The following HACE1 variants were observed in gnomAD, a reference collection of about 807,000 sequenced individuals.
The protein encoded by HACE1 is E3 ubiquitin-protein ligase HACE1.
In HACE1, 73 loss-of-function variants were observed where a neutral mutation model predicts 118.4. The observed-to-expected ratio is 0.62, with a 90% CI of 0.51 to 0.75. HACE1 has a LOEUF of 0.75. HACE1 is among the 30% of genes least tolerant of loss of function. The probability of loss-of-function intolerance (pLI) is 0.00; values close to 1 mark genes in which losing one functional copy is unlikely to be tolerated. For missense variants in HACE1, 749 were observed against 1,102.2 expected (o/e 0.68, Z 4.54); for synonymous variants, 368 against 374.8 (o/e 0.98, Z 0.21).
rs756441971 is a variant in HACE1 at position 104,771,987 on chromosome 6, G to A, written c.1952C>T (p.Ala651Val). The A allele has an allele frequency of 5.0e-6, 8 of 1,608,116 alleles. No individual in the cohort carries two copies. The highest frequency in any genetic ancestry group is 6.0e-6 in the Non-Finnish European group (7 of 1,174,800). The part of the protein sequence containing the change: ...FRFAGQILGL[A>V]LNHRQLVNIY... ...ATTGACCAGCTGCCTGTGGTTCAAC[G>A]CTAATCCCAAGATCTGCCCAGCAAA... is the stretch of plus-strand genomic sequence containing the variant. The change falls in exon 18 of 24, where the codon GCG (alanine) becomes GTG (valine). Residue 651 changes from alanine to valine, a missense_variant. Coordinates refer to ENST00000262903, the MANE Select transcript of HACE1 (RefSeq NM_020771.4).
At position 104,814,797 on chromosome 6, in the gene HACE1, C is replaced by G. The variant is rs553358393; in HGVS notation, c.535-3404G>C. On this transcript the variant is annotated intron_variant, in intron 6 of 23. Coordinates refer to ENST00000262903, the MANE Select transcript of HACE1 (RefSeq NM_020771.4). ...AGTGTGTGGCACATCCCCCCTCACG[C>G]TCTTTCTCCCTCTCTCCTGCCACCA... Among the ~76,000 whole-genome samples, 12 of 137,556 alleles carry G rather than the reference C, an allele frequency of 8.7e-5. 3 individuals are homozygous for G. In the South Asian group the frequency reaches 1.1e-3, roughly 13 times the overall value. The allele number at this position is 137,556 out of a possible 152,430, so 90.2% of individuals were successfully genotyped here.
Position 104,843,712 on chromosome 6 carries a change from A to G in HACE1, c.327-414T>C, listed in dbSNP as rs146397688. Among the ~76,000 whole-genome samples, 591 of 152,356 alleles carry G rather than the reference A, an allele frequency of 3.9e-3. 3 individuals carry two copies. Among genetic ancestry groups the G allele is most frequent in the Non-Finnish European group, 6.7e-3 (453 of 68,038 alleles). ...TTCTTGACAGCAAAACATTTAAAAC[A>G]TAACACTAAGATGTTACAAAACCAT... is the stretch of plus-strand genomic sequence containing the variant. On this transcript the variant is annotated intron_variant, in intron 4 of 23. Transcript: ENST00000262903.
intron 10 of HACE1, among the ~76,000 whole-genome samples, chr6:104,795,164 G>A (rs902110935): frequency 6.6e-6 from 1 of 151,912 alleles, no homozygotes; most frequent in Non-Finnish European, 1.5e-5. Flanking sequence ...TAACTGAGGG[G>A]GACAGGTCAG....
rs192278548 is a variant in HACE1 at position 104,737,147 on chromosome 6, C to T, written c.2514-6731G>A. On this transcript the variant is annotated intron_variant, in intron 22 of 23. Transcript: ENST00000262903. ...AAAAAAAAAAAAATACAAAAATTAGCTGGACGTGGTGGCAGGCACCTGTAC... is the reference window on the plus strand; with the variant it reads ...AAAAAAAAAAAAATACAAAAATTAGTTGGACGTGGTGGCAGGCACCTGTAC... Among the ~76,000 whole-genome samples the T allele has an allele frequency of 1.4e-3, 213 of 150,934 alleles. 1 individual carries two copies. The highest frequency in any genetic ancestry group is 5.0e-3 in the African/African-American group (204 of 41,142).
intron 17 of HACE1, among the ~76,000 whole-genome samples, chr6:104,774,294 T>C (rs1258502040): frequency 7.7e-6 from 1 of 130,518 alleles, no homozygotes; most frequent in Non-Finnish European, 1.6e-5. Flanking sequence ...GTTTCACCGT[T>C]TTAGCCGGGA....
intron 14 of HACE1, among the ~76,000 whole-genome samples, chr6:104,780,772 T>C (rs1434009335): frequency 6.6e-6 from 1 of 152,224 alleles, no homozygotes; most frequent in African/African-American, 2.4e-5. Context: ...TTTCTAATAA[T>C]GTCCTCTTAT....
chr6:104,747,843 T>C (rs972672053), intron 20 of HACE1, among the ~76,000 whole-genome samples: 1 of 152,130 alleles, frequency 6.6e-6, no homozygotes, highest in Non-Finnish European at 1.5e-5. Flanking sequence ...ATCAAGACCA[T>C]GCCTACAATG....
At chr6:104,803,667 C>T (rs574895303) in intron 7 of HACE1, among the ~76,000 whole-genome samples, 2 of 152,120 alleles carry the variant, frequency 1.3e-5, no homozygotes, top group African/African-American at 4.8e-5. Flanking sequence ...TTCAACAGCC[C>T]TTCATGCTAG....
At chr6:104,769,668 T>G (rs543835370) in intron 19 of HACE1, among the ~76,000 whole-genome samples, 1 of 152,222 alleles carries the variant, frequency 6.6e-6, no homozygotes, top group Non-Finnish European at 1.5e-5. Context: ...TAATTTTGCA[T>G]ATAGTATGAA....
intron 22 of HACE1, among the ~76,000 whole-genome samples, chr6:104,741,323 G>C (rs1404674396): frequency 2.1e-5 from 3 of 144,786 alleles, no homozygotes; most frequent in Non-Finnish European, 4.5e-5. Context: ...AATTAGGCAG[G>C]AGAAGGATAT....
chr6:104,833,075 T>G lies in HACE1; in HGVS notation c.501A>C (p.Ala167=). Residue 167 remains alanine (A), a synonymous_variant, in exon 6 of 24, where the codon GCA becomes GCC. Coordinates refer to ENST00000262903, the MANE Select transcript of HACE1 (RefSeq NM_020771.4). ...GACCGTTCTGGCAGGCAACATGCAGTGCTGTCTGCCCCATGGCATCCTCAA... is the reference window on the plus strand; with the variant it reads ...GACCGTTCTGGCAGGCAACATGCAGGGCTGTCTGCCCCATGGCATCCTCAA... The part of the protein sequence containing the change: ...VDVEDAMGQT[A]LHVACQNGHK... 6.2e-7 allele frequency: 1 copy of G among 1,613,432 alleles called. No homozygotes were observed. Among genetic ancestry groups the G allele is most frequent in the Non-Finnish European group, 8.5e-7 (1 of 1,179,312 alleles).
chr6:104,756,780 C>T (rs918718360), intron 19 of HACE1, among the ~76,000 whole-genome samples: 1 of 152,190 alleles, frequency 6.6e-6, no homozygotes, highest in East Asian at 1.9e-4. Flanking sequence ...AGGGGTTTTC[C>T]CCTTCCTAGC....
intron 4 of HACE1, among the ~76,000 whole-genome samples, chr6:104,848,411 G>A (rs147907733): frequency 0.023 from 3,484 of 149,950 alleles, 157 homozygotes; most frequent in African/African-American, 0.082. Context: ...AGCCGAGACT[G>A]TGCCACTGCA....
At chr6:104,819,618 C>A (rs371208450) in intron 6 of HACE1, among the ~76,000 whole-genome samples, 1 of 152,136 alleles carries the variant, frequency 6.6e-6, no homozygotes, top group South Asian at 2.1e-4. Flanking sequence ...GGAGGCATCA[C>A]GCTACCCAAC....
At chr6:104,801,842 A>T (rs1172958695) in intron 7 of HACE1, among the ~76,000 whole-genome samples, 1 of 152,278 alleles carries the variant, frequency 6.6e-6, no homozygotes, top group Middle Eastern at 3.4e-3. Flanking sequence ...GACAGGATCA[A>T]ATTCACACAT....
At chr6:104,818,175 T>C (rs1050515242) in intron 6 of HACE1, among the ~76,000 whole-genome samples, 2 of 152,208 alleles carry the variant, frequency 1.3e-5, no homozygotes, top group Non-Finnish European at 2.9e-5. Context: ...TTATAATCTA[T>C]GTAATTCCTC....
intron 22 of HACE1, among the ~76,000 whole-genome samples, chr6:104,736,523 C>A (rs1775857741): frequency 6.6e-6 from 1 of 152,154 alleles, no homozygotes; most frequent in Non-Finnish European, 1.5e-5. Flanking sequence ...CTCAAGTGAT[C>A]TGCCCACCTC....
intron 22 of HACE1, among the ~76,000 whole-genome samples, chr6:104,732,990 A>T (rs1330206733): frequency 6.6e-6 from 1 of 152,212 alleles, no homozygotes; most frequent in African/African-American, 2.4e-5. Flanking sequence ...ATATATACAG[A>T]AGACCTGGCT....
intron 19 of HACE1, among the ~76,000 whole-genome samples, chr6:104,756,426 A>ATATATAT (rs1554225505): frequency 1.9e-5 from 2 of 105,922 alleles, no homozygotes; most frequent in Non-Finnish European, 3.9e-5. Flanking sequence ...AAAAAAAAAA[A>ATATATAT]ATATATATAT....
Sources: allele counts gnomAD v4.1 joint callset (sites outside exome capture counted in the v4.1 genomes callset), GRCh38; gene constraint gnomAD v4.1.1; transcripts MANE v1.5; gene names NCBI Gene and HGNC (gene_info 2026-07-23, HGNC 2026-07-21).